AGAP1: variants seen among roughly 807,000 people sequenced by gnomAD.
AGAP1 encodes the protein ArfGAP with GTPase domain, ankyrin repeat and PH domain 1.
Under a neutral mutation model 105.3 loss-of-function variants are expected in AGAP1, and 29 were observed. The ratio of observed to expected loss-of-function variants is 0.28; its 90% CI spans 0.21 to 0.38. The LOEUF is 0.38. Among genes scored for constraint, AGAP1 ranks in the 10% least tolerant of loss-of-function variants. The pLI is 1.00. For synonymous variants in AGAP1, 509 were observed against 485.9 expected (o/e 1.05, Z -0.63); for missense variants, 998 against 1,165.1 (o/e 0.86, Z 2.09).
intron 13 of AGAP1, among the ~76,000 whole-genome samples, chr2:236,023,623 G>A (rs2056954888): frequency 6.6e-6 from 1 of 152,142 alleles, no homozygotes; most frequent in Non-Finnish European, 1.5e-5. Flanking sequence ...GGCCTTGGCT[G>A]TTGTATTGTC....
intron 13 of AGAP1, among the ~76,000 whole-genome samples, chr2:236,026,689 A>G (rs1466413451): frequency 6.6e-6 from 1 of 152,196 alleles, no homozygotes; most frequent in African/African-American, 2.4e-5. Flanking sequence ...AGATCATGCC[A>G]TTGCACTCCA....
Position 235,901,088 on chromosome 2 carries a change from G to A in AGAP1, c.1156-7650G>A, listed in dbSNP as rs1054766355. 6.6e-6 allele frequency among the ~76,000 whole-genome samples: 1 copy of A among 152,182 alleles called. No individual in the cohort carries two copies. The highest frequency in any genetic ancestry group is 2.4e-5 in the African/African-American group (1 of 41,452). On this transcript the variant is annotated intron_variant, in intron 10 of 17. Coordinates refer to ENST00000304032, the MANE Select transcript of AGAP1 (RefSeq NM_001037131.3). This position sits in a 1 kb window ranked among gnomAD's most constrained non-coding sequence, Gnocchi z 4.3. ...CAATATTTTCACAGTATTTTTAGGA[G>A]CATGACTTTGGTCTGCACCTGTGAC...
intron 3 of AGAP1, among the ~76,000 whole-genome samples, chr2:235,722,612 T>C (rs553034485): frequency 1.9e-4 from 29 of 152,174 alleles, no homozygotes; most frequent in African/African-American, 5.8e-4. Flanking sequence ...ACACCAGCCA[T>C]TGGATTTAGG....
chr2:235,680,818 G>A (rs1223005593), intron 1 of AGAP1, among the ~76,000 whole-genome samples: 1 of 152,082 alleles, frequency 6.6e-6, no homozygotes, highest in Non-Finnish European at 1.5e-5. Flanking sequence ...CGGGCTCCCA[G>A]AGGTTCAGCT....
Position 235,612,560 on chromosome 2 carries a change from A to G in AGAP1, c.164-96619A>G, listed in dbSNP as rs186522697. Among the ~76,000 whole-genome samples the G allele has an allele frequency of 1.3e-3, 197 of 152,344 alleles. No individual in the cohort carries two copies. The highest frequency in any genetic ancestry group is 4.7e-3 in the African/African-American group (194 of 41,568). ...CTGATTGTATTCAGGTGCTAAGGGAAAAGAACGTGACTGTGTGGGGGTCTC... is the reference window on the plus strand; with the variant it reads ...CTGATTGTATTCAGGTGCTAAGGGAGAAGAACGTGACTGTGTGGGGGTCTC... On this transcript the variant is annotated intron_variant, in intron 1 of 17. Coordinates refer to ENST00000304032, the MANE Select transcript of AGAP1 (RefSeq NM_001037131.3). The surrounding 1 kb of genome is among the most constrained non-coding windows in gnomAD (Gnocchi z 4.3).
At chr2:235,869,459 G>A (rs986735460) in intron 9 of AGAP1, among the ~76,000 whole-genome samples, 1 of 142,124 alleles carries the variant, frequency 7.0e-6, no homozygotes, top group Non-Finnish European at 1.5e-5. Context: ...AAATTAGCCG[G>A]GCGTGACGGC....
chr2:235,864,196 T>A lies in AGAP1; in HGVS notation c.1051-19149T>A, dbSNP rs2049052844. ...CTAGAATAAAGCAGGAGCAGCAGGT[T>A]CTGATTGTTCCTTTTTCAGGAATTC... On this transcript the variant is annotated intron_variant, in intron 9 of 17. Transcript: ENST00000304032. The surrounding 1 kb of genome is among the most constrained non-coding windows in gnomAD (Gnocchi z 5.0). Among the ~76,000 whole-genome samples the A allele has an allele frequency of 6.6e-6, 1 of 152,128 alleles. No individual in the cohort carries two copies. Among genetic ancestry groups the A allele is most frequent in the South Asian group, 2.1e-4 (1 of 4,824 alleles).
intron 6 of AGAP1, among the ~76,000 whole-genome samples, chr2:235,772,391 C>G (rs1955531699): frequency 6.6e-6 from 1 of 152,158 alleles, no homozygotes. Context: ...ACGAACTTCC[C>G]TAAAGACAGC....
intron 1 of AGAP1, among the ~76,000 whole-genome samples, chr2:235,630,209 C>A (rs548428638): frequency 6.6e-6 from 1 of 152,012 alleles, no homozygotes; most frequent in Non-Finnish European, 1.5e-5. Context: ...TCCTCCTAAA[C>A]GTCTTTCTGT....
intron 12 of AGAP1, among the ~76,000 whole-genome samples, chr2:235,950,392 C>T (rs1175060089): frequency 6.6e-6 from 1 of 151,852 alleles, no homozygotes; most frequent in Admixed American, 6.6e-5. Context: ...TGGGCAGGAG[C>T]AAATGCCGGG....
intron 13 of AGAP1, among the ~76,000 whole-genome samples, chr2:235,995,902 G>T (rs1174492421): frequency 1.3e-5 from 2 of 152,114 alleles, no homozygotes; most frequent in Non-Finnish European, 2.9e-5. Flanking sequence ...AGGTCATTGT[G>T]CAGTGGGTTT....
chr2:235,758,614 C>G (rs1954136864), intron 6 of AGAP1, among the ~76,000 whole-genome samples: 1 of 152,088 alleles, frequency 6.6e-6, no homozygotes, highest in South Asian at 2.1e-4. Context: ...GGTTCAGCTG[C>G]TTAAATTACA....
rs1391085937 is a variant in AGAP1 at position 236,123,624 on chromosome 2, A to T, written c.2371-295A>T. ...TCAAAACAATGATTTTCTTTGTGCA[A>T]TTGGAAAGTCAAAATAGAAACAGCA... On this transcript the variant is annotated intron_variant, in intron 17 of 17. Coordinates refer to ENST00000304032, the MANE Select transcript of AGAP1 (RefSeq NM_001037131.3). The surrounding 1 kb of genome is among the most constrained non-coding windows in gnomAD (Gnocchi z 4.6). 6.6e-6 allele frequency among the ~76,000 whole-genome samples: 1 copy of T among 152,280 alleles called. No homozygotes were observed. Among genetic ancestry groups the T allele is most frequent in the Non-Finnish European group, 1.5e-5 (1 of 68,018 alleles).
intron 6 of AGAP1, among the ~76,000 whole-genome samples, chr2:235,771,685 C>T (rs896374541): frequency 2.6e-5 from 4 of 152,124 alleles, no homozygotes; most frequent in South Asian, 4.1e-4. Flanking sequence ...TGCTCATCTG[C>T]GTCAGTTACA....
intron 1 of AGAP1, among the ~76,000 whole-genome samples, chr2:235,497,477 A>G (rs1388440278): frequency 6.6e-6 from 1 of 152,212 alleles, no homozygotes; most frequent in Non-Finnish European, 1.5e-5. Context: ...TGTCCCACCA[A>G]ATAGAAAGCT....
rs2049575656 is a variant in AGAP1, at chr2:235,873,916, A to G, written c.1051-9429A>G. ...CTAATTTGTGTATTTTTTTGTAGAG[A>G]CGGGGTTTCAACTTGTTGCCCAGGC... is the stretch of plus-strand genomic sequence containing the variant. On this transcript the variant is annotated intron_variant, in intron 9 of 17. Coordinates refer to ENST00000304032, the MANE Select transcript of AGAP1 (RefSeq NM_001037131.3). Among the ~76,000 whole-genome samples, 3 of 152,096 alleles carry G rather than the reference A, an allele frequency of 2.0e-5. No homozygotes were observed. The South Asian group carries it at 6.2e-4, about 32-fold the overall frequency.
Position 236,040,220 on chromosome 2 carries a change from G to A in AGAP1, c.1801-531G>A, listed in dbSNP as rs1465361256. On this transcript the variant is annotated intron_variant, in intron 14 of 17. Transcript: ENST00000304032. This position sits in a 1 kb window ranked among gnomAD's most constrained non-coding sequence, Gnocchi z 5.6. ...CGTGTTTCTCCCTGCCCCCACCCTG[G>A]CGAGTGGCTTTGTCACTGTGGCAAC... Among the ~76,000 whole-genome samples the A allele has an allele frequency of 2.0e-5, 3 of 152,112 alleles. No individual in the cohort carries two copies. Among genetic ancestry groups the A allele is most frequent in the Admixed American group, 6.5e-5 (1 of 15,274 alleles).
chr2:235,910,017 TC>T (rs1380521121), intron 11 of AGAP1, among the ~76,000 whole-genome samples: 13 of 58,462 alleles, frequency 2.2e-4, no homozygotes, highest in African/African-American at 7.1e-4. Context: ...AGACTCTATC[TC>T]AAAAAAAAAA....
At position 235,753,416 on chromosome 2, in the gene AGAP1, G is replaced by A. The variant is rs191523709; in HGVS notation, c.673+2928G>A. On this transcript the variant is annotated intron_variant, in intron 6 of 17. Coordinates refer to ENST00000304032, the MANE Select transcript of AGAP1 (RefSeq NM_001037131.3). The surrounding 1 kb of genome is among the most constrained non-coding windows in gnomAD (Gnocchi z 4.5). ...AATAATACACTCTCATTATGTATTC[G>A]GATTTTGGCTGGGCGCAGTGGCTCA... Among the ~76,000 whole-genome samples the A allele has an allele frequency of 2.1e-3, 321 of 152,116 alleles. 2 individuals carry two copies. The South Asian group carries it at 0.031, about 15-fold the overall frequency.
Sources: allele counts gnomAD v4.1 joint callset (sites outside exome capture counted in the v4.1 genomes callset), GRCh38; gene constraint gnomAD v4.1.1; non-coding constraint Gnocchi (gnomAD v3.1); transcripts MANE v1.5; gene names NCBI Gene and HGNC (gene_info 2026-07-23, HGNC 2026-07-21).